Variants in TSPEAR observed in about 807,000 individuals in gnomAD.
The protein encoded by TSPEAR is thrombospondin-type laminin G domain and EAR repeat-containing protein.
TSPEAR carries 69 observed loss-of-function variants against 71.6 expected under a neutral mutation model. That is an observed-to-expected ratio of 0.96 (90% confidence interval 0.79 to 1.18). TSPEAR has a LOEUF of 1.18. TSPEAR is among the 50% of genes most tolerant of loss of function. The probability of loss-of-function intolerance (pLI) is 0.00; values close to 1 mark genes in which losing one functional copy is unlikely to be tolerated. For synonymous variants in TSPEAR, 402 were observed against 387.2 expected (o/e 1.04, Z -0.45); for missense variants, 971 against 894.9 (o/e 1.09, Z -1.09).
At chr21:44,672,458 T>C (rs1986103925) in intron 1 of TSPEAR, among the ~76,000 whole-genome samples, 1 of 152,120 alleles carries the variant, frequency 6.6e-6, no homozygotes, top group Non-Finnish European at 1.5e-5. Context: ...TAGTCCCAGC[T>C]ACTCGGGAGG....
At chr21:44,654,726 A>G in intron 1 of TSPEAR, 1 of 710,020 alleles carries the variant, frequency 1.4e-6, no homozygotes, top group Non-Finnish European at 2.4e-6. Context: ...GCCCCCTGGC[A>G]TCTTCCTCGT....
chr21:44,702,159 G>A lies in TSPEAR; in HGVS notation c.82+9274C>T, dbSNP rs1264509411. Reference sequence around the variant, plus strand: ...GCACAGGGGTGGAGACTGAAGCGATGGAGCAGAGACCACCATCCACCCCAC... The same window carrying A: ...GCACAGGGGTGGAGACTGAAGCGATAGAGCAGAGACCACCATCCACCCCAC... On this transcript the variant is annotated intron_variant, in intron 1 of 11. Coordinates refer to ENST00000323084, the MANE Select transcript of TSPEAR (RefSeq NM_144991.3). The A allele has an allele frequency of 2.2e-6, 3 of 1,384,734 alleles. No individual in the cohort carries two copies. The African/African-American group carries it at 4.3e-5, about 20-fold the overall frequency. 85.8% of individuals were successfully genotyped at this position (1,384,734 alleles called of 1,614,324 possible). A position where few individuals can be genotyped will look rare whatever the true frequency, so the allele number is the denominator to read the frequency against.
chr21:44,601,452 G>A, intron 1 of TSPEAR: 1 of 1,611,172 alleles, frequency 6.2e-7, no homozygotes, highest in Non-Finnish European at 8.5e-7. Context: ...TGTGCTGTGT[G>A]CCCGTCTGCT....
chr21:44,581,057 G>A (rs1555925075), intron 1 of TSPEAR, among the ~76,000 whole-genome samples: 3 of 152,100 alleles, frequency 2.0e-5, no homozygotes, highest in African/African-American at 7.2e-5. Context: ...CTTATAAAAT[G>A]CAGCTGGCAC....
intron 1 of TSPEAR, among the ~76,000 whole-genome samples, chr21:44,653,526 G>C (rs1555941895): frequency 6.6e-6 from 1 of 152,206 alleles, no homozygotes; most frequent in African/African-American, 2.4e-5. Flanking sequence ...TTCCTTAAAA[G>C]CTTTTTTTAT....
Position 44,558,626 on chromosome 21 carries a change from G to C in TSPEAR, c.303+9159C>G, listed in dbSNP as rs1378677385. 4 of 1,603,738 alleles carry C rather than the reference G, an allele frequency of 2.5e-6. No individual in the cohort carries two copies. The African/African-American group carries it at 4.0e-5, about 16-fold the overall frequency. On this transcript the variant is annotated intron_variant, in intron 2 of 11. Transcript: ENST00000323084. Reference sequence around the variant, plus strand: ...GGGCGCAGCAGCTGGTGGCGCAGCAGGGGGGCTCACAGCAGCTCTCTGGGC... The same window carrying C: ...GGGCGCAGCAGCTGGTGGCGCAGCACGGGGGCTCACAGCAGCTCTCTGGGC...
intron 1 of TSPEAR, chr21:44,601,789 G>A: frequency 6.4e-7 from 1 of 1,568,018 alleles, no homozygotes; most frequent in Admixed American, 1.8e-5. Flanking sequence ...CTGCACCCCT[G>A]GATTCTTTAC....
intron 1 of TSPEAR, chr21:44,638,095 T>C (rs756801895): frequency 3.1e-6 from 5 of 1,613,552 alleles, no homozygotes; most frequent in Non-Finnish European, 4.2e-6. Context: ...CGGCCTCCTG[T>C]GTTTCCCTCC....
chr21:44,582,163 G>C (rs931749974), intron 1 of TSPEAR, among the ~76,000 whole-genome samples: 1 of 152,254 alleles, frequency 6.6e-6, no homozygotes, highest in African/African-American at 2.4e-5. Flanking sequence ...GTGTGCTACA[G>C]ACATGCACGG....
chr21:44,539,747 G>A (rs1555916909), intron 2 of TSPEAR: 10 of 1,612,704 alleles, frequency 6.2e-6, no homozygotes, highest in South Asian at 4.4e-5. Flanking sequence ...CTGGCTGGAG[G>A]AAGAGGCACA....
intron 1 of TSPEAR, among the ~76,000 whole-genome samples, chr21:44,589,973 C>T (rs1335667463): frequency 6.6e-6 from 1 of 152,254 alleles, no homozygotes; most frequent in Non-Finnish European, 1.5e-5. Context: ...TCATTTGTCC[C>T]TTCATGGGGA....
intron 1 of TSPEAR, among the ~76,000 whole-genome samples, chr21:44,589,540 T>C (rs1308614061): frequency 6.6e-6 from 1 of 152,186 alleles, no homozygotes; most frequent in Non-Finnish European, 1.5e-5. Context: ...GGTCACTTTG[T>C]GAGTGACCAT....
chr21:44,573,713 C>G, intron 1 of TSPEAR: 2 of 1,588,018 alleles, frequency 1.3e-6, no homozygotes, highest in South Asian at 2.3e-5. Context: ...CTCACCCACT[C>G]CCTCCCATCT....
intron 1 of TSPEAR, among the ~76,000 whole-genome samples, chr21:44,653,040 C>A (rs1984907746): frequency 6.6e-6 from 1 of 152,062 alleles, no homozygotes; most frequent in South Asian, 2.1e-4. Context: ...CACCTGTAGT[C>A]CCAGATACTC....
At chr21:44,644,671 A>C (rs1984205086) in intron 1 of TSPEAR, among the ~76,000 whole-genome samples, 1 of 152,236 alleles carries the variant, frequency 6.6e-6, no homozygotes, top group Admixed American at 6.5e-5. Flanking sequence ...ACAAGAAAAA[A>C]ACATTTAAAA....
intron 2 of TSPEAR, among the ~76,000 whole-genome samples, 156 bp downstream of exon 2, chr21:44,567,629 C>T (rs2053719706): frequency 6.6e-6 from 1 of 152,160 alleles, no homozygotes; most frequent in South Asian, 2.1e-4. Context: ...GTGACAGGGA[C>T]CTCACTACCT....
At chr21:44,581,227 C>T (rs59136731) in intron 1 of TSPEAR, among the ~76,000 whole-genome samples, 4,479 of 152,200 alleles carry the variant, frequency 0.029, 192 homozygotes, top group African/African-American at 0.094. Flanking sequence ...TTTGAAGCTG[C>T]GCTCTGGGTT....
At chr21:44,535,714 A>C (rs1299158937) in intron 2 of TSPEAR, among the ~76,000 whole-genome samples, 4 of 152,058 alleles carry the variant, frequency 2.6e-5, no homozygotes, top group Non-Finnish European at 5.9e-5. Context: ...CTACAGGTGC[A>C]CACCACCACA....
At position 44,537,469 on chromosome 21, in the gene TSPEAR, G is replaced by A. The variant is rs587740181; in HGVS notation, c.304-3546C>T. Among the ~76,000 whole-genome samples the A allele has an allele frequency of 1.4e-4, 22 of 152,322 alleles. No individual in the cohort carries two copies. In the South Asian group the frequency reaches 4.1e-3, roughly 29 times the overall value. On this transcript the variant is annotated intron_variant, in intron 2 of 11. Coordinates refer to ENST00000323084, the MANE Select transcript of TSPEAR (RefSeq NM_144991.3). ...TGGATGCAAGGATAGATCAAGAGAT[G>A]AATAGAACAAAATACAAAATAGGGA...
Sources: allele counts gnomAD v4.1 joint callset (sites outside exome capture counted in the v4.1 genomes callset), GRCh38; gene constraint gnomAD v4.1.1; transcripts MANE v1.5; gene names NCBI Gene and HGNC (gene_info 2026-07-23, HGNC 2026-07-21).